Variants in DENND5A observed in about 807,000 individuals in gnomAD.
DENND5A encodes DENN domain-containing protein 5A.
Under a neutral mutation model 140.3 loss-of-function variants are expected in DENND5A, and 64 were observed. The ratio of observed to expected loss-of-function variants is 0.46; its 90% confidence interval spans 0.37 to 0.56. DENND5A has a LOEUF of 0.56. Among genes scored for constraint, DENND5A ranks in the 20% least tolerant of loss-of-function variants. DENND5A has a pLI of 0.00. For missense variants in DENND5A, 1,292 were observed against 1,593.8 expected (o/e 0.81, Z 3.22); for synonymous variants, 605 against 607.7 (o/e 1.00, Z 0.07).
At chr11:9,159,531 T>TCCTGACCTTGA (rs1483663373) in intron 12 of DENND5A, among the ~76,000 whole-genome samples, 1 of 152,194 alleles carries the variant, frequency 6.6e-6, no homozygotes, top group East Asian at 1.9e-4. Context: ...TTGATCAAGC[T>TCCTGACCTTGA]GGTCTCAAAC....
At chr11:9,181,871 C>A (rs1848743668) in intron 5 of DENND5A, among the ~76,000 whole-genome samples, 1 of 152,138 alleles carries the variant, frequency 6.6e-6, no homozygotes, top group African/African-American at 2.4e-5. Context: ...CCTGGATATA[C>A]CATTCTCTCT....
intron 1 of DENND5A, among the ~76,000 whole-genome samples, chr11:9,240,320 G>A (rs547693986): frequency 1.1e-4 from 16 of 152,200 alleles, no homozygotes; most frequent in African/African-American, 2.9e-4. Context: ...GCTTGAACCC[G>A]GGAGGTGGAG....
At chr11:9,189,329 A>T (rs139986539) in intron 5 of DENND5A, among the ~76,000 whole-genome samples, 352 of 152,358 alleles carry the variant, frequency 2.3e-3, no homozygotes, top group Non-Finnish European at 3.8e-3. Flanking sequence ...CAGGGCCCTC[A>T]TGGAGAACTT....
chr11:9,202,738 T>G (rs1849563971), intron 4 of DENND5A, among the ~76,000 whole-genome samples: 1 of 152,142 alleles, frequency 6.6e-6, no homozygotes, highest in Non-Finnish European at 1.5e-5. Flanking sequence ...TCCACCCAGC[T>G]TCTGGTTCTT....
In DENND5A at chr11:9,145,765, T is replaced by C. The variant is rs1162225544; in HGVS notation, c.2908A>G (p.Met970Val). Residue 970 changes from methionine (M) to valine (V), a missense_variant, in exon 17 of 23, where the codon ATG becomes GTG. Around this residue, in one of 4 missense-constraint regions of DENND5A, gnomAD observed 498 missense variants for 689.7 expected, o/e 0.72. Coordinates refer to ENST00000328194, the MANE Select transcript of DENND5A (RefSeq NM_015213.4). ...CAGATCCATGGGTTGGCAGTGAACA[T>C]GGAGCCCCCCAGCTTCTTGCTTGGT... is the stretch of plus-strand genomic sequence containing the variant. ...IVPSKKLGGS[M>V]FTANPWICIS... is the part of the protein sequence containing the mutation. 7 of 1,614,092 alleles carry C rather than the reference T, an allele frequency of 4.3e-6. No homozygotes were observed. Among genetic ancestry groups the C allele is most frequent in the Non-Finnish European group, 5.9e-6 (7 of 1,180,044 alleles).
At chr11:9,214,958 A>C (rs755908736) in intron 1 of DENND5A, among the ~76,000 whole-genome samples, 1 of 152,044 alleles carries the variant, frequency 6.6e-6, no homozygotes, top group Non-Finnish European at 1.5e-5. Context: ...TCCTGACCTT[A>C]AGTGGTCCAT....
At chr11:9,244,660 C>A (rs953010578) in intron 1 of DENND5A, among the ~76,000 whole-genome samples, 1 of 151,902 alleles carries the variant, frequency 6.6e-6, no homozygotes, top group Non-Finnish European at 1.5e-5. Flanking sequence ...TTAGCCACCA[C>A]GCTCAGCCTA....
At chr11:9,205,769 C>G (rs1340424096) in intron 3 of DENND5A, among the ~76,000 whole-genome samples, 1 of 152,118 alleles carries the variant, frequency 6.6e-6, no homozygotes, top group African/African-American at 2.4e-5. Context: ...TAGTGTCGTG[C>G]ACCAGTAGTC....
intron 1 of DENND5A, among the ~76,000 whole-genome samples, chr11:9,264,033 A>G (rs1212083521): frequency 6.6e-6 from 1 of 152,150 alleles, no homozygotes; most frequent in Non-Finnish European, 1.5e-5. Context: ...ACCTTAAAGT[A>G]CAACCCGACA....
At chr11:9,253,986 C>T (rs1282726779) in intron 1 of DENND5A, among the ~76,000 whole-genome samples, 1 of 151,898 alleles carries the variant, frequency 6.6e-6, no homozygotes, top group Non-Finnish European at 1.5e-5. Context: ...GGAGAAACCC[C>T]ATCTCTACTA....
rs564398225 is a variant in DENND5A at position 9,177,265 on chromosome 11, A to G, written c.1906+867T>C. 5.9e-5 allele frequency among the ~76,000 whole-genome samples: 9 copies of G among 151,382 alleles called. 1 individual carries two copies. In the East Asian group the frequency reaches 1.2e-3, roughly 20 times the overall value. On this transcript the variant is annotated intron_variant, in intron 8 of 22. Coordinates refer to ENST00000328194, the MANE Select transcript of DENND5A (RefSeq NM_015213.4). Reference sequence around the variant, plus strand: ...TGAGACCCTGTCTCGAAAAAAAAAAAAAAGAAAGAAAGAAAAAAAAAAAAG... The same window carrying G: ...TGAGACCCTGTCTCGAAAAAAAAAAGAAAGAAAGAAAGAAAAAAAAAAAAG...
chr11:9,210,587 A>G (rs1266368814), intron 1 of DENND5A, among the ~76,000 whole-genome samples: 1 of 152,230 alleles, frequency 6.6e-6, no homozygotes, highest in Non-Finnish European at 1.5e-5. Flanking sequence ...TCTGTTGCCC[A>G]GGCTGGGGTG....
chr11:9,247,729 A>G lies in DENND5A; in HGVS notation c.109+17232T>C, dbSNP rs769707114. 3.7e-4 allele frequency among the ~76,000 whole-genome samples: 56 copies of G among 152,174 alleles called. 1 individual carries two copies. Among genetic ancestry groups the G allele is most frequent in the Non-Finnish European group, 6.8e-4 (46 of 68,020 alleles). On this transcript the variant is annotated intron_variant, in intron 1 of 22. Coordinates refer to ENST00000328194, the MANE Select transcript of DENND5A (RefSeq NM_015213.4). Reference sequence around the variant, plus strand: ...ATGAAGCCTCCAGGTAACCAAGAGTATAGATGGTAAATATCTCTTTTCAGA... The same window carrying G: ...ATGAAGCCTCCAGGTAACCAAGAGTGTAGATGGTAAATATCTCTTTTCAGA...
At chr11:9,261,777 C>A (rs1196881986) in intron 1 of DENND5A, among the ~76,000 whole-genome samples, 503 of 89,586 alleles carry the variant, frequency 5.6e-3, no homozygotes, top group African/African-American at 6.5e-3. Flanking sequence ...GACTGTGTCT[C>A]AAAAAAAAAA....
intron 8 of DENND5A, chr11:9,171,554 A>T (rs755011041): frequency 6.6e-6 from 1 of 152,228 alleles, no homozygotes; most frequent in Non-Finnish European, 1.5e-5. Context: ...TAAAATTCAC[A>T]GTGTCTGGCA....
At position 9,259,383 on chromosome 11, in the gene DENND5A, C is replaced by A. The variant is rs552215738; in HGVS notation, c.109+5578G>T. ...ACCATCCTGGCTAACACGGTGACAC[C>A]CCATCTCTACTAAAAAAAAAAAGTA... On this transcript the variant is annotated intron_variant, in intron 1 of 22. Coordinates refer to ENST00000328194, the MANE Select transcript of DENND5A (RefSeq NM_015213.4). 4.0e-5 allele frequency among the ~76,000 whole-genome samples: 6 copies of A among 151,470 alleles called. No homozygotes were observed. In the South Asian group the frequency reaches 8.3e-4, roughly 21 times the overall value.
At chr11:9,242,742 C>T (rs1378948812) in intron 1 of DENND5A, 2 of 152,052 alleles carry the variant, frequency 1.3e-5, no homozygotes, top group African/African-American at 4.8e-5. Context: ...TGTTTTTGGC[C>T]CCCTATGACC....
Position 9,204,028 on chromosome 11 carries a change from T to C in DENND5A, c.581A>G (p.Tyr194Cys), listed in dbSNP as rs777002085. The part of the protein sequence containing the change: ...PVTKLQRFNS[Y>C]DISRDTLYVS... ...GTAGAGAGTGTCCCGGCTAATGTCA[T>C]AGGAGTTGAAGCGCTGCAGTTTGGT... is the stretch of plus-strand genomic sequence containing the variant. The change falls in exon 4 of 23, where the codon TAT becomes TGT. Residue 194 changes from tyrosine (Y) to cysteine (C), a missense_variant. By Grantham distance (194) the Tyr-to-Cys change is radical. This residue lies in a region of DENND5A where 566 missense variants were observed against 650.4 expected (regional missense o/e 0.87). Coordinates refer to ENST00000328194, the MANE Select transcript of DENND5A (RefSeq NM_015213.4). The C allele has an allele frequency of 1.1e-5, 18 of 1,614,040 alleles. No homozygotes were observed. The highest frequency in any genetic ancestry group is 2.2e-5 in the South Asian group (2 of 91,086).
intron 1 of DENND5A, chr11:9,242,492 C>A (rs1305270613): frequency 6.6e-6 from 1 of 152,186 alleles, no homozygotes; most frequent in Non-Finnish European, 1.5e-5. Flanking sequence ...AGTGCCCCAT[C>A]ACTAAGTTGG....
Sources: allele counts gnomAD v4.1 joint callset (sites outside exome capture counted in the v4.1 genomes callset), GRCh38; gene constraint gnomAD v4.1.1; regional missense constraint gnomAD v4.1.1; transcripts MANE v1.5; gene names NCBI Gene and HGNC (gene_info 2026-07-23, HGNC 2026-07-21).